Variants in MCOLN2 observed in about 807,000 individuals in gnomAD.
MCOLN2 encodes the protein mucolipin TRP cation channel 2, also known as mucolipin-2.
In MCOLN2, 57 loss-of-function variants were observed where a neutral mutation model predicts 67.5. That is an observed-to-expected ratio of 0.84 (90% CI 0.68 to 1.05). MCOLN2 has a LOEUF of 1.05. MCOLN2 is among the 50% of genes least tolerant of loss of function. The pLI, the probability that MCOLN2 is intolerant of heterozygous loss-of-function variation, is 0.00. For missense variants in MCOLN2, 620 were observed against 678.8 expected (o/e 0.91, Z 0.96); for synonymous variants, 246 against 233.3 (o/e 1.05, Z -0.50).
rs1047575464 is a variant in MCOLN2, at chr1:84,996,925, C to G, written c.-53G>C. 1.7e-5 allele frequency: 25 copies of G among 1,489,588 alleles called. No homozygotes were observed. In the African/African-American group the frequency reaches 3.5e-4, roughly 21 times the overall value. 92.3% of individuals were successfully genotyped at this position (1,489,588 alleles called of 1,614,324 possible). On this transcript the variant is annotated 5_prime_UTR_variant, in exon 1 of 14. Coordinates refer to ENST00000370608, the MANE Select transcript of MCOLN2 (RefSeq NM_153259.4). The stretch of plus-strand genomic sequence containing the variant: ...TCTCGGGATTCGGAACAGGAAACAC[C>G]GTTCACGGCCGACTCATTTCGCCCT...
intron 4 of MCOLN2, among the ~76,000 whole-genome samples, chr1:84,954,014 A>G (rs1436661926): frequency 1.3e-5 from 2 of 152,228 alleles, no homozygotes; most frequent in Admixed American, 6.5e-5. Context: ...GATTCTTCAA[A>G]AGTGTTATTC....
In MCOLN2 at chr1:84,929,473, A is replaced by G. The variant is rs948295795; in HGVS notation, c.1664+85T>C. ...TTTCCCATGATAAGCTGGTCTCTGA[A>G]TGTAATGGTAATCTTGGAGGGGCTC... On this transcript the variant is annotated intron_variant, in intron 13 of 13. Transcript: ENST00000370608. 2.4e-4 allele frequency: 339 copies of G among 1,406,666 alleles called. 1 individual carries two copies. Among genetic ancestry groups the G allele is most frequent in the South Asian group, 1.1e-3 (73 of 65,678 alleles). The allele number at this position is 1,406,666 out of a possible 1,614,324, so 87.1% of individuals were successfully genotyped here.
chr1:84,970,244 G>A (rs1480006482), intron 1 of MCOLN2, among the ~76,000 whole-genome samples: 1 of 151,868 alleles, frequency 6.6e-6, no homozygotes, highest in Non-Finnish European at 1.5e-5. Context: ...TAAAGCCATA[G>A]AAACTACCCC....
At chr1:84,954,680 A>T (rs1648686470) in intron 4 of MCOLN2, among the ~76,000 whole-genome samples, 1 of 152,148 alleles carries the variant, frequency 6.6e-6, no homozygotes, top group Non-Finnish European at 1.5e-5. Context: ...GAGGAGGTTG[A>T]CCTCTGAGCA....
At chr1:84,981,248 G>T (rs901433304) in intron 1 of MCOLN2, among the ~76,000 whole-genome samples, 3 of 152,164 alleles carry the variant, frequency 2.0e-5, no homozygotes, top group Admixed American at 6.5e-5. Flanking sequence ...CAGTTTGGAG[G>T]TTCCTCAAAA....
At chr1:84,929,515 A>T in intron 13 of MCOLN2, 43 bp downstream of exon 13, 1 of 1,555,900 alleles carries the variant, frequency 6.4e-7, no homozygotes, top group Non-Finnish European at 8.7e-7. Flanking sequence ...AAGACAACAG[A>T]ACAGCCCATC....
At chr1:84,948,893 G>T (rs894967003) in intron 6 of MCOLN2, among the ~76,000 whole-genome samples, 1 of 152,240 alleles carries the variant, frequency 6.6e-6, no homozygotes, top group African/African-American at 2.4e-5. Flanking sequence ...ACTTTGGAAG[G>T]CCAAGGCAGG....
intron 6 of MCOLN2, 55 bp downstream of exon 6, chr1:84,952,187 AC>A (rs1648521360): frequency 5.6e-6 from 7 of 1,252,840 alleles, no homozygotes; most frequent in Non-Finnish European, 8.0e-6. Context: ...CTCTGCATCA[AC>A]AAAAAGTGTA....
intron 2 of MCOLN2, among the ~76,000 whole-genome samples, chr1:84,960,863 C>T (rs777481660): frequency 3.4e-5 from 5 of 148,978 alleles, no homozygotes; most frequent in Non-Finnish European, 7.4e-5. Flanking sequence ...TTACTCTAAG[C>T]CAAGCTGGTA....
At chr1:84,965,472 A>C in intron 2 of MCOLN2, 77 bp downstream of exon 2, 1 of 1,473,868 alleles carries the variant, frequency 6.8e-7, no homozygotes, top group Non-Finnish European at 9.2e-7. Flanking sequence ...TCAGAACAAA[A>C]GTCAAGTACA....
chr1:84,986,064 A>C (rs931095136), intron 1 of MCOLN2, among the ~76,000 whole-genome samples: 1 of 152,224 alleles, frequency 6.6e-6, no homozygotes, highest in African/African-American at 2.4e-5. Flanking sequence ...CACAGTCACC[A>C]AAACAGCATG....
rs1442297775 is a variant in MCOLN2 at position 84,937,825 on chromosome 1, G to T, written c.1265C>A (p.Ala422Asp). The part of the protein sequence containing the change: ...ASLPKVLRFC[A>D]CAGMIYLGYT... ...ACCCAGATAAATCATACCAGCACAA[G>T]CACAAAACCGAAGAACTTTTGGCAG... The change falls in exon 11 of 14, where the codon GCT becomes GAT. Residue 422 changes from alanine to aspartate, a missense_variant. Physicochemically the swap from Ala to Asp is moderately radical, Grantham distance 126. Transcript: ENST00000370608. The T allele has an allele frequency of 1.2e-6, 2 of 1,614,156 alleles. No individual in the cohort carries two copies. Among genetic ancestry groups the T allele is most frequent in the Non-Finnish European group, 8.5e-7 (1 of 1,180,032 alleles).
intron 3 of MCOLN2, among the ~76,000 whole-genome samples, chr1:84,958,090 C>T (rs929345655): frequency 6.6e-6 from 1 of 151,988 alleles, no homozygotes; most frequent in Non-Finnish European, 1.5e-5. Flanking sequence ...TATTTATTTA[C>T]TTATTTATTT....
At chr1:84,958,904 G>C (rs947007816) in intron 2 of MCOLN2, among the ~76,000 whole-genome samples, 3 of 152,046 alleles carry the variant, frequency 2.0e-5, no homozygotes, top group Non-Finnish European at 4.4e-5. Context: ...ATTCAAAGTA[G>C]CATAAAATTA....
At chr1:84,989,236 G>A (rs1650763246) in intron 1 of MCOLN2, among the ~76,000 whole-genome samples, 1 of 151,964 alleles carries the variant, frequency 6.6e-6, no homozygotes, top group South Asian at 2.1e-4. Flanking sequence ...TTGACTACAC[G>A]AACTTTTCCT....
chr1:84,996,945 C>A lies in MCOLN2; in HGVS notation c.-73G>T, dbSNP rs1249446788. The A allele has an allele frequency of 1.4e-6, 2 of 1,384,828 alleles. No individual in the cohort carries two copies. Among genetic ancestry groups the A allele is most frequent in the Non-Finnish European group, 2.0e-6 (2 of 977,726 alleles). The allele number at this position is 1,384,828 out of a possible 1,614,324, so 85.8% of individuals were successfully genotyped here. A position where few individuals can be genotyped will look rare whatever the true frequency, so the allele number is the denominator to read the frequency against. On this transcript the variant is annotated 5_prime_UTR_variant, in exon 1 of 14. Coordinates refer to ENST00000370608, the MANE Select transcript of MCOLN2 (RefSeq NM_153259.4). Reference sequence around the variant, plus strand: ...AACACCGTTCACGGCCGACTCATTTCGCCCTCGCCGTAACGCGTCCGCCGA... The same window carrying A: ...AACACCGTTCACGGCCGACTCATTTAGCCCTCGCCGTAACGCGTCCGCCGA...
intron 1 of MCOLN2, among the ~76,000 whole-genome samples, chr1:84,978,998 A>G (rs1307055311): frequency 6.6e-6 from 1 of 152,152 alleles, no homozygotes; most frequent in East Asian, 1.9e-4. Flanking sequence ...AGAAAGACAT[A>G]GGGTGGAAGA....
At chr1:84,983,801 C>T (rs765270173) in intron 1 of MCOLN2, among the ~76,000 whole-genome samples, 16 of 151,512 alleles carry the variant, frequency 1.1e-4, no homozygotes, top group African/African-American at 1.9e-4. Flanking sequence ...CTCAGCCTCC[C>T]GAGTAGCTGG....
intron 6 of MCOLN2, among the ~76,000 whole-genome samples, chr1:84,947,646 G>T (rs189846715): frequency 2.0e-5 from 3 of 152,340 alleles, no homozygotes; most frequent in African/African-American, 7.2e-5. Flanking sequence ...GTTTGGAGAG[G>T]TGCCGGGAGT....
Sources: allele counts gnomAD v4.1 joint callset (sites outside exome capture counted in the v4.1 genomes callset), GRCh38; gene constraint gnomAD v4.1.1; transcripts MANE v1.5; gene names NCBI Gene and HGNC (gene_info 2026-07-23, HGNC 2026-07-21).